The following TBC1D14 variants were observed in gnomAD, a reference collection of about 807,000 sequenced individuals.
The protein encoded by TBC1D14 is TBC1 domain family member 14, also known as TBC1 domain family, member 14.
Under a neutral mutation model 79.0 loss-of-function variants are expected in TBC1D14, and 26 were observed. That is an observed-to-expected ratio of 0.33 (90% CI 0.24 to 0.46). The LOEUF (loss-of-function observed/expected upper bound fraction) is 0.46. Among genes scored for constraint, TBC1D14 ranks in the 20% least tolerant of loss-of-function variants. The pLI, the probability that TBC1D14 is intolerant of heterozygous loss-of-function variation, is 1.00. For missense variants in TBC1D14, 769 were observed against 887.6 expected, an observed-to-expected ratio of 0.87 and a Z score of 1.70; for synonymous variants, 394 against 349.9, an observed-to-expected ratio of 1.13 and a Z score of -1.40.
intron 7 of TBC1D14, among the ~76,000 whole-genome samples, chr4:7,004,133 C>T (rs550885556): frequency 1.4e-4 from 22 of 152,188 alleles, no homozygotes; most frequent in Non-Finnish European, 2.9e-4. Context: ...AAGAATGGGG[C>T]ACGGATATAC....
At chr4:6,955,601 G>A (rs1230593356) in intron 2 of TBC1D14, among the ~76,000 whole-genome samples, 2 of 152,344 alleles carry the variant, frequency 1.3e-5, no homozygotes, top group African/African-American at 2.4e-5. Flanking sequence ...CTTTGGAATC[G>A]GAAGTTGCCA....
chr4:6,967,456 T>A (rs1169412534), intron 3 of TBC1D14, 32 bp downstream of exon 3: 1 of 1,605,568 alleles, frequency 6.2e-7, no homozygotes, highest in Admixed American at 1.7e-5. Context: ...AGAAATAGGC[T>A]GTTGGATGTG....
chr4:6,919,111 G>T (rs1437628106), intron 1 of TBC1D14, among the ~76,000 whole-genome samples: 1 of 151,900 alleles, frequency 6.6e-6, no homozygotes, highest in Non-Finnish European at 1.5e-5. Flanking sequence ...TCTATAGGTT[G>T]GAGAAACATT....
intron 1 of TBC1D14, among the ~76,000 whole-genome samples, chr4:6,916,677 C>T (rs1723425612): frequency 6.6e-6 from 1 of 152,194 alleles, no homozygotes. Context: ...TCTTTGCTTC[C>T]TGCAGAACTG....
At chr4:6,966,397 T>A (rs1259533007) in intron 2 of TBC1D14, among the ~76,000 whole-genome samples, 2 of 152,246 alleles carry the variant, frequency 1.3e-5, no homozygotes, top group Non-Finnish European at 2.9e-5. Flanking sequence ...AACTTTTGTT[T>A]ACATGTTCTT....
chr4:7,024,744 C>T (rs1722175902), intron 12 of TBC1D14, among the ~76,000 whole-genome samples: 1 of 152,214 alleles, frequency 6.6e-6, no homozygotes, highest in African/African-American at 2.4e-5. Flanking sequence ...GGGCTCAGCA[C>T]ATATTCCTTG....
intron 2 of TBC1D14, among the ~76,000 whole-genome samples, chr4:6,927,271 G>A (rs986617711): frequency 1.5e-4 from 23 of 152,230 alleles, no homozygotes; most frequent in East Asian, 1.2e-3. Context: ...CTATGGGGGC[G>A]GGCACAAGTG....
intron 3 of TBC1D14, among the ~76,000 whole-genome samples, chr4:6,978,484 G>A (rs1717033550): frequency 6.7e-6 from 1 of 149,994 alleles, no homozygotes; most frequent in Admixed American, 6.6e-5. Flanking sequence ...GTCCACTCAG[G>A]GTTGAATGGA....
At chr4:7,026,685 C>G (rs1440293652) in intron 13 of TBC1D14, among the ~76,000 whole-genome samples, 1 of 152,026 alleles carries the variant, frequency 6.6e-6, no homozygotes, top group Non-Finnish European at 1.5e-5. Context: ...TCACTAGAGC[C>G]TAGGAGTTTG....
At chr4:6,970,427 G>A (rs1359121520) in intron 3 of TBC1D14, among the ~76,000 whole-genome samples, 2 of 152,234 alleles carry the variant, frequency 1.3e-5, no homozygotes. Flanking sequence ...GAATAGTAGT[G>A]GACATAGAAA....
rs1317485579 is a variant in TBC1D14 at position 6,994,275 on chromosome 4, C to T, written c.935C>T (p.Thr312Ile). Residue 312 changes from threonine (T) to isoleucine (I), a missense_variant, in exon 4 of 14, where the codon ACC becomes ATC. By Grantham distance (89) the Thr-to-Ile change is moderately conservative. Around this residue, in one of 2 missense-constraint regions of TBC1D14, gnomAD observed 367 missense variants for 494.4 expected, o/e 0.74. Coordinates refer to ENST00000409757, the MANE Select transcript of TBC1D14 (RefSeq NM_020773.3). ...CTTGACTTTGAACCACTTTCCACCA[C>T]CGCACTCATCCTCGAGGACAGACCA... Reference protein sequence around the residue: ...KNLDFEPLSTTALILEDRPAN... With the variant: ...KNLDFEPLSTIALILEDRPAN... 1.2e-6 allele frequency: 2 copies of T among 1,614,086 alleles called. No individual in the cohort carries two copies. Among genetic ancestry groups the T allele is most frequent in the East Asian group, 2.2e-5 (1 of 44,900 alleles).
rs546555933 is a variant in TBC1D14, at chr4:7,007,570, A to G, written c.1446+844A>G. 2.3e-6 allele frequency: 3 copies of G among 1,289,324 alleles called. No individual in the cohort carries two copies. In the East Asian group the frequency reaches 1.7e-4, roughly 72 times the overall value. 79.9% of individuals were successfully genotyped at this position (1,289,324 alleles called of 1,614,324 possible). On this transcript the variant is annotated intron_variant, in intron 9 of 13. Coordinates refer to ENST00000409757, the MANE Select transcript of TBC1D14 (RefSeq NM_020773.3). Reference sequence around the variant, plus strand: ...CGTGTGGGTCTTCAGAAATCTTTTCAGAAGAGGAAAGAGAGGGAATCTACA... The same window carrying G: ...CGTGTGGGTCTTCAGAAATCTTTTCGGAAGAGGAAAGAGAGGGAATCTACA...
At chr4:6,910,529 G>C (rs1722893948) in intron 1 of TBC1D14, 1 of 152,256 alleles carries the variant, frequency 6.6e-6, no homozygotes, top group African/African-American at 2.4e-5. Context: ...CTCCGCCTTG[G>C]AGCCTCCCAT....
At chr4:6,917,719 G>A (rs1037751392) in intron 1 of TBC1D14, among the ~76,000 whole-genome samples, 3 of 152,170 alleles carry the variant, frequency 2.0e-5, no homozygotes, top group African/African-American at 7.2e-5. Flanking sequence ...ACGTGGACTT[G>A]GAGGCAGGCC....
chr4:6,959,356 G>A (rs1424985726), intron 2 of TBC1D14, among the ~76,000 whole-genome samples: 1 of 152,186 alleles, frequency 6.6e-6, no homozygotes, highest in Non-Finnish European at 1.5e-5. Context: ...ATCCTGAGAG[G>A]TAGAAATGAG....
chr4:6,957,600 T>C (rs1714761727), intron 2 of TBC1D14, among the ~76,000 whole-genome samples: 1 of 152,240 alleles, frequency 6.6e-6, no homozygotes. Flanking sequence ...GGGCTGGTGA[T>C]TGGGCACTTC....
chr4:6,937,874 T>C (rs1021895422), intron 2 of TBC1D14, among the ~76,000 whole-genome samples: 2 of 151,986 alleles, frequency 1.3e-5, no homozygotes, highest in Non-Finnish European at 1.5e-5. Flanking sequence ...GCGGGGAGGC[T>C]CCAGTCACAC....
rs1033404552 is a variant in TBC1D14 at position 6,999,081 on chromosome 4, C to T, written c.1046-4C>T. On this transcript the variant is annotated splice_region_variant and splice_polypyrimidine_tract_variant and intron_variant, in intron 5 of 13. Transcript: ENST00000409757. Reference sequence around the variant, plus strand: ...TTGTTGTTTTTCTAAATTGTGATTTCTAGAGCTGAAAGAAGCCCAGCGAAG... The same window carrying T: ...TTGTTGTTTTTCTAAATTGTGATTTTTAGAGCTGAAAGAAGCCCAGCGAAG... 6.2e-7 allele frequency: 1 copy of T among 1,613,750 alleles called. No individual in the cohort carries two copies. Among genetic ancestry groups the T allele is most frequent in the South Asian group, 1.1e-5 (1 of 91,062 alleles).
chr4:6,924,734 GC>G (rs1473551525), intron 2 of TBC1D14, among the ~76,000 whole-genome samples: 1 of 152,182 alleles, frequency 6.6e-6, no homozygotes, highest in Non-Finnish European at 1.5e-5. Flanking sequence ...TCTCCCTGAA[GC>G]CCTGGGGGGG....
Sources: gnomAD v4.1 joint callset for allele counts (sites outside exome capture counted in the v4.1 genomes callset) on GRCh38, gnomAD v4.1.1 for gene constraint, gnomAD v4.1.1 regional missense constraint, MANE v1.5 for transcripts, NCBI Gene and HGNC (gene_info 2026-07-23, HGNC 2026-07-21) for gene names.